Variants in SNIP1 observed in about 807,000 individuals in gnomAD.
SNIP1 encodes the protein Smad nuclear interacting protein 1.
A neutral mutation model predicts 37.4 loss-of-function variants in SNIP1; 23 were observed. The ratio of observed to expected loss-of-function variants is 0.61; its 90% confidence interval spans 0.44 to 0.87. SNIP1 has a LOEUF of 0.87. Among genes scored for constraint, SNIP1 ranks in the 40% least tolerant of loss-of-function variants. The pLI, the probability that SNIP1 is intolerant of heterozygous loss-of-function variation, is 0.00. For synonymous variants in SNIP1, 174 were observed against 200.0 expected (o/e 0.87, Z 1.10); for missense variants, 459 against 540.4 (o/e 0.85, Z 1.49).
chr1:37,542,434 A>G (rs1643185152), intron 2 of SNIP1, among the ~76,000 whole-genome samples: 1 of 152,262 alleles, frequency 6.6e-6, no homozygotes, highest in African/African-American at 2.4e-5. Flanking sequence ...AATAAGAAAT[A>G]ATTCAACAGA....
intron 2 of SNIP1, among the ~76,000 whole-genome samples, chr1:37,547,140 A>G (rs1018740589): frequency 1.3e-5 from 2 of 152,212 alleles, no homozygotes; most frequent in African/African-American, 2.4e-5. Flanking sequence ...TCCGTTATTT[A>G]GAAAGAGGGT....
intron 1 of SNIP1, among the ~76,000 whole-genome samples, chr1:37,553,244 GT>G (rs1009135551): frequency 1.3e-5 from 2 of 152,062 alleles, no homozygotes; most frequent in African/African-American, 4.8e-5. Flanking sequence ...TGCAGATGTT[GT>G]TTCCTCTGCC....
rs911529486 is a variant in SNIP1, at chr1:37,536,109, T to C, written c.*1639A>G. 5.3e-5 allele frequency: 8 copies of C among 152,230 alleles called. No individual in the cohort carries two copies. The highest frequency in any genetic ancestry group is 1.9e-4 in the African/African-American group (8 of 41,446). 9.4% of individuals were successfully genotyped at this position (152,230 alleles called of 1,614,324 possible). A position where few individuals can be genotyped will look rare whatever the true frequency, so the allele number is the denominator to read the frequency against. ...TTACAGGCATGAGCCACTGTGCCCA[T>C]GCCCGGCCCAACTTACGTTTCATCT... On this transcript the variant is annotated 3_prime_UTR_variant, in exon 4 of 4. Transcript: ENST00000296215.
Position 37,535,731 on chromosome 1 carries a change from A to G in SNIP1, c.*2017T>C, listed in dbSNP as rs1424631104. 2 of 152,236 alleles carry G rather than the reference A, an allele frequency of 1.3e-5. No homozygotes were observed. Among genetic ancestry groups the G allele is most frequent in the Non-Finnish European group, 2.9e-5 (2 of 68,048 alleles). The allele number at this position is 152,236 out of a possible 1,614,324, so 9.4% of individuals were successfully genotyped here. On this transcript the variant is annotated 3_prime_UTR_variant, in exon 4 of 4. Coordinates refer to ENST00000296215, the MANE Select transcript of SNIP1 (RefSeq NM_024700.4). Reference sequence around the variant, plus strand: ...ACAAACCTACTTTTCAGACAAGCACATATATATGATCTATGGCACATACCA... The same window carrying G: ...ACAAACCTACTTTTCAGACAAGCACGTATATATGATCTATGGCACATACCA...
chr1:37,544,631 T>A (rs1205200236), intron 2 of SNIP1: 1 of 470,976 alleles, frequency 2.1e-6, no homozygotes, highest in Non-Finnish European at 4.0e-6. Flanking sequence ...CAGGCACTCG[T>A]ACCCCACTCC....
At chr1:37,544,847 A>G in intron 2 of SNIP1, 1 of 802,796 alleles carries the variant, frequency 1.2e-6, no homozygotes. Flanking sequence ...TGCCTCCTAC[A>G]TCTACCTGTC....
At position 37,540,881 on chromosome 1, in the gene SNIP1, C is replaced by A; in HGVS notation, c.328-126G>T. On this transcript the variant is annotated intron_variant, in intron 2 of 3. Transcript: ENST00000296215. This position sits in a 1 kb window ranked among gnomAD's most constrained non-coding sequence, Gnocchi z 5.6. Reference sequence around the variant, plus strand: ...ATTTGGACTTTGGCATTTAGAACAACATTTCCCACAGAAATAAGATTATGT... The same window carrying A: ...ATTTGGACTTTGGCATTTAGAACAAAATTTCCCACAGAAATAAGATTATGT... 1.2e-6 allele frequency: 1 copy of A among 832,316 alleles called. No homozygotes were observed. The highest frequency in any genetic ancestry group is 1.8e-6 in the Non-Finnish European group (1 of 541,764). The allele number at this position is 832,316 out of a possible 1,614,324, so 51.6% of individuals were successfully genotyped here. A position where few individuals can be genotyped will look rare whatever the true frequency, so the allele number is the denominator to read the frequency against.
intron 3 of SNIP1, among the ~76,000 whole-genome samples, chr1:37,538,344 T>A (rs112999142): frequency 3.2e-4 from 49 of 151,990 alleles, no homozygotes; most frequent in African/African-American, 1.2e-3. Context: ...CCGTCTCTAC[T>A]AAAAATACAA....
intron 2 of SNIP1, among the ~76,000 whole-genome samples, chr1:37,544,482 T>G: frequency 6.7e-6 from 1 of 149,402 alleles, no homozygotes; most frequent in African/African-American, 2.5e-5. Flanking sequence ...AAGAAACAAG[T>G]CTTATAGATG....
At chr1:37,550,512 G>T (rs970912453) in intron 2 of SNIP1, among the ~76,000 whole-genome samples, 1 of 151,276 alleles carries the variant, frequency 6.6e-6, no homozygotes, top group African/African-American at 2.4e-5. Context: ...TTCAGGACCA[G>T]CCTGGTCAAA....
intron 2 of SNIP1, among the ~76,000 whole-genome samples, chr1:37,546,667 C>G (rs1643242125): frequency 1.3e-5 from 2 of 151,754 alleles, no homozygotes; most frequent in Admixed American, 1.3e-4. Context: ...GAGTGAGACT[C>G]TGTTTCAAAA....
intron 2 of SNIP1, among the ~76,000 whole-genome samples, chr1:37,545,723 C>T (rs530676571): frequency 2.0e-5 from 3 of 152,036 alleles, no homozygotes; most frequent in South Asian, 2.1e-4. Context: ...TTTGGAAGGC[C>T]GAGGCGGGTG....
chr1:37,547,161 G>C (rs1186852884), intron 2 of SNIP1, among the ~76,000 whole-genome samples: 3 of 152,190 alleles, frequency 2.0e-5, no homozygotes, highest in Non-Finnish European at 2.9e-5. Context: ...CACTGCAGAT[G>C]TAATAAATTA....
rs1361584238 is a variant in SNIP1, at chr1:37,540,969, G to C, written c.328-214C>G. On this transcript the variant is annotated intron_variant, in intron 2 of 3. Coordinates refer to ENST00000296215, the MANE Select transcript of SNIP1 (RefSeq NM_024700.4). The surrounding 1 kb of genome is among the most constrained non-coding windows in gnomAD (Gnocchi z 5.6). ...TATCCCATGCTGCTATTCAACTATA[G>C]CCCTAATAGCACAAGTCCAGGTCCA... is the stretch of plus-strand genomic sequence containing the variant. 2.0e-6 allele frequency: 1 copy of C among 492,268 alleles called. No individual in the cohort carries two copies. Among genetic ancestry groups the C allele is most frequent in the African/African-American group, 1.9e-5 (1 of 52,224 alleles). The allele number at this position is 492,268 out of a possible 1,614,324, so 30.5% of individuals were successfully genotyped here.
chr1:37,540,376 G>T lies in SNIP1; in HGVS notation c.707C>A (p.Thr236Asn). 1 of 1,614,110 alleles carries T rather than the reference G, an allele frequency of 6.2e-7. No individual in the cohort carries two copies. The highest frequency in any genetic ancestry group is 8.5e-7 in the Non-Finnish European group (1 of 1,180,024). ...FELSGALLED[T>N]NTFRGVVIKY... Reference sequence around the variant, plus strand: ...AATGACTACACCCCGGAAAGTGTTGGTGTCCTCAAGAAGTGCCCCAGAAAG... The same window carrying T: ...AATGACTACACCCCGGAAAGTGTTGTTGTCCTCAAGAAGTGCCCCAGAAAG... The change falls in exon 3 of 4, where the codon ACC becomes AAC. Residue 236 changes from threonine (T) to asparagine (N), a missense_variant. Transcript: ENST00000296215. The surrounding 1 kb of genome is among the most constrained non-coding windows in gnomAD (Gnocchi z 5.6).
At chr1:37,551,566 C>T (rs996695152) in intron 2 of SNIP1, among the ~76,000 whole-genome samples, 1 of 152,036 alleles carries the variant, frequency 6.6e-6, no homozygotes, top group African/African-American at 2.4e-5. Flanking sequence ...GGGTAGGGCC[C>T]TAATCCAATA....
At position 37,540,230 on chromosome 1, in the gene SNIP1, G is replaced by A; in HGVS notation, c.853C>T (p.Arg285Ter). 4 of 1,611,908 alleles carry A rather than the reference G, an allele frequency of 2.5e-6. No homozygotes were observed. Among genetic ancestry groups the A allele is most frequent in the South Asian group, 1.1e-5 (1 of 91,044 alleles). The part of the protein sequence containing the change: ...IHRQSAYLLG[R>*]HRRIADIPID... ...GGAATGTCTGCAATGCGGCGGTGTCGACCCAGTAGGTACGCACTCTGTCGA... is the reference window on the plus strand; with the variant it reads ...GGAATGTCTGCAATGCGGCGGTGTCAACCCAGTAGGTACGCACTCTGTCGA... The change falls in exon 3 of 4, where the codon CGA becomes TGA. Residue 285 changes from arginine (R) to a stop codon, truncating the protein, a stop_gained. Transcript: ENST00000296215. LOFTEE classifies it high-confidence loss of function. The surrounding 1 kb of genome is among the most constrained non-coding windows in gnomAD (Gnocchi z 5.6).
In SNIP1 at chr1:37,554,081, C is replaced by G. The variant is rs780403144; in HGVS notation, c.149G>C (p.Gly50Ala). 21 of 1,607,184 alleles carry G rather than the reference C, an allele frequency of 1.3e-5. No homozygotes were observed. Among genetic ancestry groups the G allele is most frequent in the East Asian group, 2.2e-5 (1 of 44,574 alleles). The change falls in exon 1 of 4, where the codon GGT becomes GCT. Residue 50 changes from glycine to alanine, a missense_variant. By Grantham distance (60) the Gly-to-Ala change is moderately conservative. Coordinates refer to ENST00000296215, the MANE Select transcript of SNIP1 (RefSeq NM_024700.4). ...PPAHRRPDHS[G>A]GSPSPPTSEP... ...GCTGGTCGGCGGAGACGGGCTACCA[C>G]CGGAGTGGTCCGGACGGCGGTGGGC...
chr1:37,539,698 G>C (rs556022890), intron 3 of SNIP1, among the ~76,000 whole-genome samples: 35 of 152,254 alleles, frequency 2.3e-4, no homozygotes, highest in African/African-American at 7.9e-4. Flanking sequence ...CACAGAACGA[G>C]ACTCCGTCTC....
Sources: allele counts gnomAD v4.1 joint callset (sites outside exome capture counted in the v4.1 genomes callset), GRCh38; gene constraint gnomAD v4.1.1; non-coding constraint Gnocchi (gnomAD v3.1); transcripts MANE v1.5; gene names NCBI Gene and HGNC (gene_info 2026-07-23, HGNC 2026-07-21).